Variants in LYPLAL1 observed in about 807,000 individuals in gnomAD.
LYPLAL1 encodes the protein lysophospholipase like 1, also known as lysophospholipase-like protein 1.
In LYPLAL1, 23 loss-of-function variants were observed where a neutral mutation model predicts 19.7. The ratio of observed to expected loss-of-function variants is 1.17; its 90% CI spans 0.84 to 1.65. LYPLAL1 has a LOEUF of 1.65. Ranked by LOEUF, LYPLAL1 falls within the 40% of genes most tolerant of loss-of-function variation. The pLI is 0.00. For missense variants in LYPLAL1, 355 were observed against 279.4 expected, an observed-to-expected ratio of 1.27 and a Z score of -1.93; for synonymous variants, 119 against 96.3, an observed-to-expected ratio of 1.24 and a Z score of -1.38.
chr1:219,266,164 T>C, the LYPLAL1 span, among the ~76,000 whole-genome samples: 1 of 152,200 alleles, frequency 6.6e-6, no homozygotes, highest in Non-Finnish European at 1.5e-5. Context: ...AATTTTTGAC[T>C]CTTTTGTAAT....
the LYPLAL1 span, among the ~76,000 whole-genome samples, chr1:219,287,087 G>A: frequency 6.6e-6 from 1 of 152,152 alleles, no homozygotes; most frequent in Non-Finnish European, 1.5e-5. Context: ...TTTGCTCCTT[G>A]AGGTATCGGT....
chr1:219,245,970 T>C, the LYPLAL1 span, among the ~76,000 whole-genome samples: 1 of 152,188 alleles, frequency 6.6e-6, no homozygotes, highest in African/African-American at 2.4e-5. Context: ...ATATCCTCTG[T>C]GTGTCGGGGG....
the LYPLAL1 span, among the ~76,000 whole-genome samples, chr1:219,292,865 G>A: frequency 6.6e-6 from 1 of 152,162 alleles, no homozygotes. Flanking sequence ...GGCAGATGGG[G>A]CTTCAGAGGA....
At chr1:219,300,356 C>T in the LYPLAL1 span, among the ~76,000 whole-genome samples, 1 of 151,850 alleles carries the variant, frequency 6.6e-6, no homozygotes, top group Non-Finnish European at 1.5e-5. Flanking sequence ...GGGGCATTTA[C>T]ATGAAGAAGC....
At chr1:219,312,865 G>A in the LYPLAL1 span, among the ~76,000 whole-genome samples, 4 of 152,306 alleles carry the variant, frequency 2.6e-5, no homozygotes, top group African/African-American at 7.2e-5. Flanking sequence ...AAGCACTGAA[G>A]TGACAGCTTA....
At chr1:219,410,822 T>C in the LYPLAL1 span, among the ~76,000 whole-genome samples, 69 of 152,092 alleles carry the variant, frequency 4.5e-4, no homozygotes, top group Non-Finnish European at 9.3e-4. Context: ...GTGTACTGAG[T>C]CCCCCAGCAG....
At chr1:219,390,687 G>A in the LYPLAL1 span, among the ~76,000 whole-genome samples, 1 of 152,150 alleles carries the variant, frequency 6.6e-6, no homozygotes, top group Admixed American at 6.5e-5. Context: ...CCTTCCCAAT[G>A]AAGAGGGCAT....
chr1:219,339,819 A>G, the LYPLAL1 span, among the ~76,000 whole-genome samples: 1 of 151,956 alleles, frequency 6.6e-6, no homozygotes, highest in African/African-American at 2.4e-5. Context: ...AATTAGGGAG[A>G]AAAAAACACT....
At chr1:219,342,526 A>T in the LYPLAL1 span, among the ~76,000 whole-genome samples, 1 of 152,038 alleles carries the variant, frequency 6.6e-6, no homozygotes, top group African/African-American at 2.4e-5. Context: ...TCTCTGACCC[A>T]GGAGTCTCGT....
the LYPLAL1 span, among the ~76,000 whole-genome samples, chr1:219,338,195 C>T: frequency 6.6e-6 from 1 of 151,854 alleles, no homozygotes; most frequent in East Asian, 1.9e-4. Flanking sequence ...AACATTTAAT[C>T]CAATATGGAC....
the LYPLAL1 span, among the ~76,000 whole-genome samples, chr1:219,282,025 T>C: frequency 5.9e-5 from 9 of 152,246 alleles, no homozygotes; most frequent in African/African-American, 1.4e-4. Context: ...AACATGAGCA[T>C]GGAGACCAAA....
At chr1:219,201,230 A>T (rs922325363) in intron 3 of LYPLAL1, among the ~76,000 whole-genome samples, 2 of 152,072 alleles carry the variant, frequency 1.3e-5, no homozygotes, top group African/African-American at 4.8e-5. Context: ...AAAATCTTTT[A>T]TAATTGTTTT....
intron 4 of LYPLAL1, among the ~76,000 whole-genome samples, chr1:219,211,018 T>G (rs1658993576): frequency 6.6e-6 from 1 of 152,148 alleles, no homozygotes; most frequent in South Asian, 2.1e-4. Context: ...TAGCACATAC[T>G]TATTATGCAG....
the LYPLAL1 span, among the ~76,000 whole-genome samples, chr1:219,314,156 C>T: frequency 3.0e-4 from 46 of 152,314 alleles, no homozygotes; most frequent in African/African-American, 1.0e-3. Flanking sequence ...AAGGGCATGA[C>T]GTCATTATTT....
the LYPLAL1 span, among the ~76,000 whole-genome samples, chr1:219,257,457 G>T: frequency 6.7e-6 from 1 of 150,294 alleles, no homozygotes. Context: ...GTGTCAGCCA[G>T]TCTGAGAAAT....
chr1:219,200,659 T>C, intron 3 of LYPLAL1: 2 of 229,024 alleles, frequency 8.7e-6, no homozygotes, highest in Admixed American at 4.8e-5. Context: ...TGCCACGATC[T>C]GTCAAAAACC....
At chr1:219,369,971 CA>C in the LYPLAL1 span, among the ~76,000 whole-genome samples, 2 of 151,788 alleles carry the variant, frequency 1.3e-5, no homozygotes, top group African/African-American at 2.4e-5. Flanking sequence ...TTGCCTAGGA[CA>C]AAAAAAGAAG....
At chr1:219,248,650 CT>C in the LYPLAL1 span, among the ~76,000 whole-genome samples, 3 of 152,058 alleles carry the variant, frequency 2.0e-5, no homozygotes, top group East Asian at 5.8e-4. Flanking sequence ...ATTGTGGGGA[CT>C]GGCTTATTTG....
At chr1:219,259,416 T>C in the LYPLAL1 span, among the ~76,000 whole-genome samples, 1 of 142,902 alleles carries the variant, frequency 7.0e-6, no homozygotes, top group African/African-American at 2.7e-5. Context: ...TACATATATA[T>C]ATATATATAT....
Sources: allele counts gnomAD v4.1 joint callset (sites outside exome capture counted in the v4.1 genomes callset), GRCh38; gene constraint gnomAD v4.1.1; transcripts MANE v1.5; gene names NCBI Gene and HGNC (gene_info 2026-07-23, HGNC 2026-07-21).